The following FBXL13 variants were observed in gnomAD, a reference collection of about 807,000 sequenced individuals.
The protein encoded by FBXL13 is F-box and leucine-rich repeat protein 13.
Under a neutral mutation model 83.6 loss-of-function variants are expected in FBXL13, and 67 were observed. The ratio of observed to expected loss-of-function variants is 0.80; its 90% CI spans 0.66 to 0.98. The LOEUF is 0.98. Ranked by LOEUF, FBXL13 falls within the 50% of genes least tolerant of loss-of-function variation. The pLI, the probability that FBXL13 is intolerant of heterozygous loss-of-function variation, is 0.00. For missense variants in FBXL13, 822 were observed against 866.5 expected (o/e 0.95, Z 0.64); for synonymous variants, 272 against 299.5 (o/e 0.91, Z 0.95).
intron 2 of FBXL13, among the ~76,000 whole-genome samples, chr7:103,041,190 G>A (rs370672501): frequency 6.6e-6 from 1 of 151,978 alleles, no homozygotes; most frequent in Non-Finnish European, 1.5e-5. Context: ...AGAGAATACT[G>A]TAAACACCTC....
intron 14 of FBXL13, among the ~76,000 whole-genome samples, chr7:102,879,998 G>A (rs912933630): frequency 1.3e-5 from 2 of 152,198 alleles, no homozygotes; most frequent in East Asian, 1.9e-4. Context: ...GAGCCACCAC[G>A]CCCGACGGGC....
At chr7:102,962,353 G>A (rs1825367616) in intron 8 of FBXL13, among the ~76,000 whole-genome samples, 1 of 152,072 alleles carries the variant, frequency 6.6e-6, no homozygotes, top group African/African-American at 2.4e-5. Context: ...GAGAGGATGT[G>A]GAGAAATAGG....
intron 1 of FBXL13, among the ~76,000 whole-genome samples, chr7:103,058,818 T>C (rs2129497600): frequency 6.6e-6 from 1 of 152,274 alleles, no homozygotes; most frequent in African/African-American, 2.4e-5. Flanking sequence ...AGAAATTGAT[T>C]ATATATATAT....
At chr7:102,857,483 AC>A in intron 16 of FBXL13, 1 of 153,962 alleles carries the variant, frequency 6.5e-6, no homozygotes. Flanking sequence ...GATATCTGTC[AC>A]CCCATTGATC....
intron 19 of FBXL13, among the ~76,000 whole-genome samples, chr7:102,820,769 A>G (rs1798697292): frequency 6.6e-6 from 1 of 152,240 alleles, no homozygotes; most frequent in African/African-American, 2.4e-5. Flanking sequence ...TCCCATGATA[A>G]CTAACTCACT....
intron 17 of FBXL13, among the ~76,000 whole-genome samples, chr7:102,836,404 G>A (rs1801990921): frequency 6.6e-6 from 1 of 152,166 alleles, no homozygotes; most frequent in South Asian, 2.1e-4. Context: ...CTGCAAGCAT[G>A]TTTCAACATA....
At chr7:102,813,216 G>T, downstream of FBXL13, 1 of 804,396 alleles carries the variant, frequency 1.2e-6, no homozygotes, top group Non-Finnish European at 2.0e-6. Context: ...GTTGGAATAA[G>T]AATCAGAAGA....
chr7:102,973,788 C>G (rs1239227355), intron 6 of FBXL13: 1 of 753,788 alleles, frequency 1.3e-6, no homozygotes, highest in South Asian at 1.4e-5. Flanking sequence ...TTCCCGGGAG[C>G]CCGGTTAACA....
At chr7:103,011,051 C>G (rs925514759) in intron 6 of FBXL13, among the ~76,000 whole-genome samples, 25 of 152,224 alleles carry the variant, frequency 1.6e-4, no homozygotes, top group African/African-American at 6.0e-4. Context: ...ATCCAAAGGA[C>G]AGCAGTTTCA....
intron 19 of FBXL13, among the ~76,000 whole-genome samples, chr7:102,819,275 T>C (rs889904643): frequency 6.6e-6 from 1 of 152,178 alleles, no homozygotes; most frequent in Non-Finnish European, 1.5e-5. Flanking sequence ...TTTCTGATCA[T>C]AGTTGTTACT....
At chr7:103,052,649 C>T (rs1005904710) in intron 2 of FBXL13, among the ~76,000 whole-genome samples, 2 of 152,168 alleles carry the variant, frequency 1.3e-5, no homozygotes, top group African/African-American at 4.8e-5. Context: ...GAAGTGGACA[C>T]CTTTTCTATG....
chr7:102,848,799 G>A (rs1378515639), intron 17 of FBXL13, among the ~76,000 whole-genome samples: 3 of 151,996 alleles, frequency 2.0e-5, no homozygotes, highest in Admixed American at 6.6e-5. Flanking sequence ...AGGAGTTCGA[G>A]ACCAGTCTGG....
At chr7:102,871,905 C>G (rs1808580965) in intron 16 of FBXL13, among the ~76,000 whole-genome samples, 1 of 151,910 alleles carries the variant, frequency 6.6e-6, no homozygotes, top group African/African-American at 2.4e-5. Flanking sequence ...ACTAAAATAC[C>G]TCCTATTTCC....
intron 10 of FBXL13, among the ~76,000 whole-genome samples, chr7:102,922,322 T>C (rs1271619991): frequency 6.6e-6 from 1 of 152,128 alleles, no homozygotes; most frequent in Non-Finnish European, 1.5e-5. Flanking sequence ...CAAATTCTTA[T>C]TTAGAAGTCA....
At chr7:102,887,870 G>A (rs530406767) in intron 11 of FBXL13, among the ~76,000 whole-genome samples, 1 of 152,286 alleles carries the variant, frequency 6.6e-6, no homozygotes, top group Admixed American at 6.5e-5. Context: ...TACACCAAAT[G>A]CTAATAGTGA....
chr7:102,889,557 C>T (rs1417574407), intron 11 of FBXL13, among the ~76,000 whole-genome samples: 2 of 152,092 alleles, frequency 1.3e-5, no homozygotes, highest in Admixed American at 6.5e-5. Flanking sequence ...GCTATCCCTC[C>T]CCCAGTCCCC....
intron 16 of FBXL13, among the ~76,000 whole-genome samples, chr7:102,873,698 G>A (rs1439189305): frequency 6.6e-6 from 1 of 152,142 alleles, no homozygotes; most frequent in Non-Finnish European, 1.5e-5. Flanking sequence ...TGGCCTCTGG[G>A]CCCTCAGTGA....
chr7:103,069,479 C>G lies in FBXL13; in HGVS notation c.-105+4767G>C, dbSNP rs138255897. Among the ~76,000 whole-genome samples, 23 of 152,282 alleles carry G rather than the reference C, an allele frequency of 1.5e-4. 2 individuals carry two copies. The East Asian group carries it at 4.0e-3, about 27-fold the overall frequency. ...CTAGAAGGGAAACTAAAGAGCTAAG[C>G]TTAAATACCTCCGAAGAGCAGAACC... On this transcript the variant is annotated intron_variant, in intron 1 of 19. Coordinates refer to ENST00000313221, the Ensembl canonical transcript of FBXL13.
At chr7:102,951,940 G>A (rs1172715612) in intron 8 of FBXL13, among the ~76,000 whole-genome samples, 2 of 151,842 alleles carry the variant, frequency 1.3e-5, no homozygotes, top group Non-Finnish European at 2.9e-5. Flanking sequence ...AAAGACTGAA[G>A]CAACTTTACT....
Sources: gnomAD v4.1 joint callset for allele counts (sites outside exome capture counted in the v4.1 genomes callset) on GRCh38, gnomAD v4.1.1 for gene constraint, MANE v1.5 for transcripts, NCBI Gene and HGNC (gene_info 2026-07-23, HGNC 2026-07-21) for gene names.